COA1: variants seen among roughly 807,000 people sequenced by gnomAD.
COA1 encodes cytochrome c oxidase assembly factor 1, also known as cytochrome c oxidase assembly factor 1 homolog.
A neutral mutation model predicts 16.0 loss-of-function variants in COA1; 13 were observed. The ratio of observed to expected loss-of-function variants is 0.81; its 90% CI spans 0.53 to 1.29. The LOEUF (loss-of-function observed/expected upper bound fraction) is 1.29, where lower values mean the gene tolerates loss of function less well. Ranked by LOEUF, COA1 falls within the 50% of genes most tolerant of loss-of-function variation. The pLI is 0.00. For missense variants in COA1, 179 were observed against 177.0 expected (o/e 1.01, Z -0.06); for synonymous variants, 65 against 65.7 (o/e 0.99, Z 0.05).
At chr7:43,710,375 A>AAAAAAAAT (rs761592421) in intron 1 of COA1, among the ~76,000 whole-genome samples, 10 of 36,444 alleles carry the variant, frequency 2.7e-4, no homozygotes, top group Non-Finnish European at 4.2e-4. Context: ...AAAAAAAAAA[A>AAAAAAAAT]ATATATATAT....
chr7:43,728,259 G>C (rs2095660443), intron 1 of COA1, among the ~76,000 whole-genome samples: 1 of 152,122 alleles, frequency 6.6e-6, no homozygotes, highest in African/African-American at 2.4e-5. Flanking sequence ...CAGGCGTGAG[G>C]CACCGCTACG....
intron 6 of COA1, chr7:43,625,139 TG>T: frequency 4.2e-6 from 1 of 237,452 alleles, no homozygotes; most frequent in Non-Finnish European, 8.2e-6. Context: ...CAAAGATATT[TG>T]TATTCACTTT....
intron 1 of COA1, among the ~76,000 whole-genome samples, chr7:43,698,154 A>C (rs1467619213): frequency 6.6e-6 from 1 of 152,226 alleles, no homozygotes; most frequent in African/African-American, 2.4e-5. Flanking sequence ...AGAAAAACTG[A>C]CTTTGCAAAG....
chr7:43,653,643 CTGAGT>C (rs2091257975), intron 1 of COA1, among the ~76,000 whole-genome samples: 3 of 152,108 alleles, frequency 2.0e-5, no homozygotes, highest in African/African-American at 4.8e-5. Flanking sequence ...CTTTGTTAAG[CTGAGT>C]TAAGAATGTT....
At chr7:43,688,571 A>T (rs905201738) in intron 1 of COA1, among the ~76,000 whole-genome samples, 3 of 152,218 alleles carry the variant, frequency 2.0e-5, no homozygotes, top group Non-Finnish European at 2.9e-5. Flanking sequence ...CAGCCACATA[A>T]GACAAGAACA....
chr7:43,707,688 G>C (rs1563439268), intron 1 of COA1, among the ~76,000 whole-genome samples: 1 of 152,212 alleles, frequency 6.6e-6, no homozygotes, highest in Non-Finnish European at 1.5e-5. Flanking sequence ...CATCCATATT[G>C]TGTAAATTGA....
At chr7:43,727,460 A>C (rs2132387372) in intron 1 of COA1, among the ~76,000 whole-genome samples, 1 of 152,384 alleles carries the variant, frequency 6.6e-6, no homozygotes, top group East Asian at 1.9e-4. Context: ...CAAAAGGTGG[A>C]AACAATCCAA....
At chr7:43,613,284 C>T (rs1340278497) in intron 6 of COA1, among the ~76,000 whole-genome samples, 2 of 152,116 alleles carry the variant, frequency 1.3e-5, no homozygotes, top group Non-Finnish European at 2.9e-5. Flanking sequence ...GGCCCCCCAC[C>T]AAGTATTTCA....
intron 3 of COA1, chr7:43,646,722 C>A: frequency 2.4e-6 from 1 of 421,422 alleles, no homozygotes; most frequent in Non-Finnish European, 4.8e-6. Context: ...TGGGAACGCT[C>A]ATCTCAGGCC....
chr7:43,677,358 T>C (rs563276773), intron 1 of COA1, among the ~76,000 whole-genome samples: 2 of 152,350 alleles, frequency 1.3e-5, no homozygotes, highest in South Asian at 4.1e-4. Context: ...GTTTATTTAA[T>C]ATATGTGGTG....
intron 1 of COA1, among the ~76,000 whole-genome samples, chr7:43,715,947 G>GCATCCTCCT (rs966927648): frequency 1.3e-5 from 2 of 152,220 alleles, no homozygotes; most frequent in South Asian, 4.2e-4. Context: ...TTCCGCTTTT[G>GCATCCTCCT]CATCCTCCTC....
chr7:43,722,846 T>C (rs1447462520), intron 1 of COA1, among the ~76,000 whole-genome samples: 1 of 152,220 alleles, frequency 6.6e-6, no homozygotes, highest in Non-Finnish European at 1.5e-5. Context: ...CCACGAGATC[T>C]GGAACATCTA....
In COA1 at chr7:43,639,493, G is replaced by T; in HGVS notation, c.*89C>A. On this transcript the variant is annotated 3_prime_UTR_variant, in exon 6 of 6. Coordinates refer to ENST00000223336, the MANE Select transcript of COA1 (RefSeq NM_018224.4). ...GGAAAACTGGGTTGCAGGAGTGTCT[G>T]TCACTGAGATGGGCCACCACCCCAG... 1 of 1,026,940 alleles carries T rather than the reference G, an allele frequency of 9.7e-7. No individual in the cohort carries two copies. Among genetic ancestry groups the T allele is most frequent in the Non-Finnish European group, 1.5e-6 (1 of 658,796 alleles). The allele number at this position is 1,026,940 out of a possible 1,614,324, so 63.6% of individuals were successfully genotyped here.
intron 6 of COA1, chr7:43,622,800 A>C (rs1323789888): frequency 1.3e-5 from 2 of 151,972 alleles, no homozygotes; most frequent in East Asian, 3.9e-4. Flanking sequence ...TCCCAGACTC[A>C]AGTGATCCTC....
chr7:43,728,672 G>A (rs2095671027), intron 1 of COA1, among the ~76,000 whole-genome samples: 3 of 152,192 alleles, frequency 2.0e-5, no homozygotes, highest in Admixed American at 2.0e-4. Flanking sequence ...AGATTCTGAG[G>A]ACAGAAATAA....
At chr7:43,635,044 TTTC>T (rs1356666915), downstream of COA1, among the ~76,000 whole-genome samples, 2 of 150,174 alleles carry the variant, frequency 1.3e-5, no homozygotes, top group Non-Finnish European at 2.9e-5. Context: ...GTGTCTACTC[TTTC>T]TTGTTTCTTC....
chr7:43,727,326 T>C (rs944395510), intron 1 of COA1, among the ~76,000 whole-genome samples: 1 of 152,172 alleles, frequency 6.6e-6, no homozygotes, highest in African/African-American at 2.4e-5. Flanking sequence ...TCTTAAAATG[T>C]TAAACAGAGC....
At chr7:43,691,412 G>GAAGGAAGGAAGA (rs2094340279) in intron 1 of COA1, among the ~76,000 whole-genome samples, 1 of 88,638 alleles carries the variant, frequency 1.1e-5, no homozygotes, top group African/African-American at 4.8e-5. Flanking sequence ...AGGAAGGAAG[G>GAAGGAAGGAAGA]AAGAAAGAAA....
At chr7:43,618,793 A>C (rs2083581014) in intron 6 of COA1, among the ~76,000 whole-genome samples, 1 of 152,156 alleles carries the variant, frequency 6.6e-6, no homozygotes, top group Non-Finnish European at 1.5e-5. Context: ...ATTACTGTAC[A>C]TGTCCTCACC....
Sources: allele counts gnomAD v4.1 joint callset (sites outside exome capture counted in the v4.1 genomes callset), GRCh38; gene constraint gnomAD v4.1.1; transcripts MANE v1.5; gene names NCBI Gene and HGNC (gene_info 2026-07-23, HGNC 2026-07-21).